Variants in NAALADL2 observed in about 807,000 individuals in gnomAD.
NAALADL2 encodes N-acetylated alpha-linked acidic dipeptidase like 2, also known as inactive N-acetylated-alpha-linked acidic dipeptidase-like protein 2.
NAALADL2 carries 76 observed loss-of-function variants against 87.2 expected under a neutral mutation model. That is an observed-to-expected ratio of 0.87 (90% CI 0.72 to 1.05). NAALADL2 has a LOEUF of 1.05. Ranked by LOEUF, NAALADL2 falls within the 50% of genes least tolerant of loss-of-function variation. NAALADL2 has a pLI of 0.00. For missense variants in NAALADL2, 1,089 were observed against 945.8 expected (o/e 1.15, Z -1.99); for synonymous variants, 354 against 331.0 (o/e 1.07, Z -0.75).
At chr3:175,329,050 G>A (rs1761095452) in intron 5 of NAALADL2, among the ~76,000 whole-genome samples, 1 of 152,066 alleles carries the variant, frequency 6.6e-6, no homozygotes, top group African/African-American at 2.4e-5. Flanking sequence ...TGAATTCTGT[G>A]TTGACTACAG....
At chr3:175,142,607 C>CT (rs111597871) in intron 2 of NAALADL2, among the ~76,000 whole-genome samples, 33 of 150,958 alleles carry the variant, frequency 2.2e-4, no homozygotes, top group South Asian at 1.7e-3. Context: ...TATTACTGCA[C>CT]TTTTTTTTTT....
intron 9 of NAALADL2, chr3:175,487,574 A>C (rs1455153152): frequency 4.4e-6 from 2 of 455,534 alleles, no homozygotes; most frequent in Non-Finnish European, 8.8e-6. Context: ...ATATCCACAG[A>C]GCTCTTATAT....
rs891672595 is a variant in NAALADL2, at chr3:174,543,961, T to A, written c.-183-6608T>A. On this transcript the variant is annotated intron_variant, in intron 1 of 3. Transcript: ENST00000434257. ...GGGCAGAGGTTGCAGTGAGCTGAGA[T>A]CATGCCAAAGCACTCCAGCCTGGGT... 8.6e-5 allele frequency among the ~76,000 whole-genome samples: 13 copies of A among 150,556 alleles called. No individual in the cohort carries two copies. In the South Asian group the frequency reaches 2.3e-3, roughly 27 times the overall value.
chr3:174,559,438 G>T (rs1713293775), intron 2 of NAALADL2, among the ~76,000 whole-genome samples: 1 of 152,196 alleles, frequency 6.6e-6, no homozygotes, highest in Non-Finnish European at 1.5e-5. Context: ...AGATAAAGTA[G>T]AAATTTTAGA....
intron 5 of NAALADL2, among the ~76,000 whole-genome samples, chr3:175,433,736 T>C (rs1344840239): frequency 6.6e-6 from 1 of 152,062 alleles, no homozygotes; most frequent in Non-Finnish European, 1.5e-5. Flanking sequence ...TTCCATTTCA[T>C]AAAGTACTTC....
At chr3:175,315,663 T>G (rs1370624698) in intron 4 of NAALADL2, among the ~76,000 whole-genome samples, 2 of 152,150 alleles carry the variant, frequency 1.3e-5, no homozygotes, top group Non-Finnish European at 1.5e-5. Flanking sequence ...TGTGAAATAG[T>G]TTTGAAAAAT....
intron 1 of NAALADL2, among the ~76,000 whole-genome samples, chr3:175,036,733 AC>A (rs1753453842): frequency 6.7e-6 from 1 of 149,842 alleles, no homozygotes. Flanking sequence ...ATGTTTTACT[AC>A]TTTAAAAAAT....
At chr3:175,324,667 A>C (rs977301051) in intron 5 of NAALADL2, among the ~76,000 whole-genome samples, 1 of 152,214 alleles carries the variant, frequency 6.6e-6, no homozygotes, top group African/African-American at 2.4e-5. Flanking sequence ...ACAGATACCC[A>C]GGAGCATGAA....
intron 9 of NAALADL2, among the ~76,000 whole-genome samples, chr3:175,549,971 A>G (rs28478760): frequency 7.9e-5 from 12 of 152,140 alleles, no homozygotes; most frequent in African/African-American, 2.9e-4. Context: ...CTAAAGAAAT[A>G]GGTAGGCCCA....
chr3:174,662,574 A>G (rs779841112), intron 2 of NAALADL2, among the ~76,000 whole-genome samples: 2 of 152,138 alleles, frequency 1.3e-5, no homozygotes, highest in South Asian at 2.1e-4. Context: ...AGATAACTTG[A>G]TCAGAGTTAA....
chr3:175,155,647 T>A (rs577015825), intron 2 of NAALADL2, among the ~76,000 whole-genome samples: 1 of 152,312 alleles, frequency 6.6e-6, no homozygotes, highest in Admixed American at 6.6e-5. Flanking sequence ...GTGTGATTAT[T>A]AGCCATCCTG....
At chr3:175,598,135 T>C (rs1722485506) in intron 10 of NAALADL2, among the ~76,000 whole-genome samples, 1 of 152,010 alleles carries the variant, frequency 6.6e-6, no homozygotes, top group Admixed American at 6.6e-5. Flanking sequence ...TACTAATTAT[T>C]TTATAAATCA....
chr3:174,764,527 T>C (rs2109084342), intron 3 of NAALADL2, among the ~76,000 whole-genome samples: 1 of 152,342 alleles, frequency 6.6e-6, no homozygotes, highest in Non-Finnish European at 1.5e-5. Context: ...GGAGAATTAC[T>C]TGAACCCAGG....
chr3:175,284,622 G>A (rs1360776195), intron 4 of NAALADL2, among the ~76,000 whole-genome samples: 1 of 152,000 alleles, frequency 6.6e-6, no homozygotes, highest in Non-Finnish European at 1.5e-5. Flanking sequence ...GACTATTCTT[G>A]TAAGGTGTGA....
At chr3:175,035,382 A>G (rs1457800636) in intron 1 of NAALADL2, among the ~76,000 whole-genome samples, 1 of 152,190 alleles carries the variant, frequency 6.6e-6, no homozygotes, top group African/African-American at 2.4e-5. Flanking sequence ...GCCAATCCAC[A>G]TTAGTCAGCA....
intron 1 of NAALADL2, among the ~76,000 whole-genome samples, chr3:175,087,040 GAA>G (rs1163253760): frequency 7.2e-5 from 11 of 152,072 alleles, no homozygotes; most frequent in African/African-American, 2.7e-4. Flanking sequence ...GGGAGGCCTA[GAA>G]AAAATATTAA....
chr3:175,092,824 A>T (rs1363245348), intron 1 of NAALADL2, among the ~76,000 whole-genome samples: 1 of 151,930 alleles, frequency 6.6e-6, no homozygotes, highest in Non-Finnish European at 1.5e-5. Flanking sequence ...CTTTGGTTGT[A>T]GGACTGGATG....
intron 10 of NAALADL2, among the ~76,000 whole-genome samples, chr3:175,594,172 TCA>T (rs916936255): frequency 1.3e-4 from 20 of 152,140 alleles, no homozygotes; most frequent in African/African-American, 4.8e-4. Context: ...CAAATAGTCC[TCA>T]GTGTCTATTG....
chr3:174,793,885 A>G (rs1218115574), intron 3 of NAALADL2, among the ~76,000 whole-genome samples: 1 of 151,976 alleles, frequency 6.6e-6, no homozygotes, highest in Admixed American at 6.6e-5. Context: ...AGTGATTTCA[A>G]TTAGGCAGGT....
Sources: gnomAD v4.1 joint callset for allele counts (sites outside exome capture counted in the v4.1 genomes callset) on GRCh38, gnomAD v4.1.1 for gene constraint, MANE v1.5 for transcripts, NCBI Gene and HGNC (gene_info 2026-07-23, HGNC 2026-07-21) for gene names.